The following CENPH variants were observed in gnomAD, a reference collection of about 807,000 sequenced individuals.
The protein encoded by CENPH is centromere protein H.
CENPH carries 40 observed loss-of-function variants against 42.9 expected under a neutral mutation model. That is an observed-to-expected ratio of 0.93 (90% CI 0.72 to 1.21). The LOEUF (loss-of-function observed/expected upper bound fraction) is 1.21, where lower values mean the gene tolerates loss of function less well. Ranked by LOEUF, CENPH falls within the 50% of genes most tolerant of loss-of-function variation. CENPH has a pLI of 0.00. For synonymous variants in CENPH, 88 were observed against 96.5 expected, an observed-to-expected ratio of 0.91 and a Z score of 0.52; for missense variants, 302 against 292.9, an observed-to-expected ratio of 1.03 and a Z score of -0.23.
intron 5 of CENPH, among the ~76,000 whole-genome samples, chr5:69,200,717 A>ATTTTTTTTTT (rs1554058445): frequency 9.8e-5 from 4 of 41,012 alleles, no homozygotes; most frequent in Admixed American, 3.1e-4. Context: ...GAATCAGCGT[A>ATTTTTTTTTT]TCTTTTTTTT....
Position 69,191,858 on chromosome 5 carries a change from T to C in CENPH, c.190+8T>C, listed in dbSNP as rs1747877167. 6.9e-7 allele frequency: 1 copy of C among 1,456,710 alleles called. No homozygotes were observed. Among genetic ancestry groups the C allele is most frequent in the Admixed American group, 1.7e-5 (1 of 58,060 alleles). 90.2% of individuals were successfully genotyped at this position (1,456,710 alleles called of 1,614,324 possible). On this transcript the variant is annotated splice_region_variant and intron_variant, in intron 2 of 8. Transcript: ENST00000283006. ...AATCAATGGTTGATGCAAGTAAGTA[T>C]TTTCATTTTCAAATTAGGGTTTTGT...
intron 1 of CENPH, among the ~76,000 whole-genome samples, chr5:69,190,904 T>C (rs1561320286): frequency 6.6e-6 from 1 of 151,704 alleles, no homozygotes; most frequent in African/African-American, 2.4e-5. Context: ...AAAAAAAAAA[T>C]TAATTACCAT....
chr5:69,196,104 A>G (rs1377103972), intron 4 of CENPH, among the ~76,000 whole-genome samples: 1 of 151,926 alleles, frequency 6.6e-6, no homozygotes, highest in Non-Finnish European at 1.5e-5. Flanking sequence ...ACGCTTGGCT[A>G]ATTTTTTTTA....
Position 69,197,115 on chromosome 5 carries a change from A to ATT in CENPH, c.371+15_371+16dup. On this transcript the variant is annotated splice_region_variant and intron_variant, in intron 5 of 8. Coordinates refer to ENST00000283006, the MANE Select transcript of CENPH (RefSeq NM_022909.4). ...AAAATTAGCAGACAGTCTAGGTATGATTTTTTTTTTCTCTGGATTCGGTAA... is the reference window on the plus strand; with the variant it reads ...AAAATTAGCAGACAGTCTAGGTATGATTTTTTTTTTTTCTCTGGATTCGGTAA... 29 of 1,474,098 alleles carry ATT rather than the reference A, an allele frequency of 2.0e-5. No individual in the cohort carries two copies. The highest frequency in any genetic ancestry group is 6.7e-5 in the South Asian group (5 of 74,244). The allele number at this position is 1,474,098 out of a possible 1,614,324, so 91.3% of individuals were successfully genotyped here. A position where few individuals can be genotyped will look rare whatever the true frequency, so the allele number is the denominator to read the frequency against.
chr5:69,191,202 A>G (rs1163161741), intron 1 of CENPH, among the ~76,000 whole-genome samples: 5 of 152,118 alleles, frequency 3.3e-5, no homozygotes, highest in Non-Finnish European at 5.9e-5. Flanking sequence ...TCCTCAGTTC[A>G]GTCTGGCCTA....
intron 5 of CENPH, among the ~76,000 whole-genome samples, chr5:69,200,746 T>TTTTTTTTTTTTTG (rs1748046424): frequency 1.0e-5 from 1 of 99,884 alleles, no homozygotes; most frequent in Non-Finnish European, 1.9e-5. Flanking sequence ...TTTTTTTTTT[T>TTTTTTTTTTTTTG]TTTTTTTGAG....
intron 5 of CENPH, among the ~76,000 whole-genome samples, chr5:69,197,819 AAAAAAT>A (rs1747988726): frequency 6.6e-6 from 1 of 150,912 alleles, no homozygotes; most frequent in African/African-American, 2.4e-5. Flanking sequence ...AAAATTTTTT[AAAAAAT>A]AAAAATTATT....
chr5:69,194,785 C>A, intron 3 of CENPH, 90 bp downstream of exon 3: 2 of 814,442 alleles, frequency 2.5e-6, no homozygotes, highest in Non-Finnish European at 3.9e-6. Context: ...GTCTCACTAT[C>A]ATGCAGGCTA....
intron 1 of CENPH, among the ~76,000 whole-genome samples, chr5:69,190,815 G>C (rs982231934): frequency 6.6e-6 from 1 of 152,010 alleles, no homozygotes; most frequent in Non-Finnish European, 1.5e-5. Context: ...GATTGAACCC[G>C]GGAGGCAGAG....
chr5:69,198,518 A>G (rs1748005389), intron 5 of CENPH, among the ~76,000 whole-genome samples: 1 of 152,110 alleles, frequency 6.6e-6, no homozygotes, highest in African/African-American at 2.4e-5. Context: ...TGACCTAGGC[A>G]CTTCTATCTT....
chr5:69,192,634 G>A (rs1747895223), intron 2 of CENPH, among the ~76,000 whole-genome samples: 1 of 152,084 alleles, frequency 6.6e-6, no homozygotes, highest in African/African-American at 2.4e-5. Context: ...AAAAAACGTA[G>A]CCAGATATGG....
chr5:69,200,329 A>C (rs1402792696), intron 5 of CENPH, among the ~76,000 whole-genome samples: 1 of 152,150 alleles, frequency 6.6e-6, no homozygotes, highest in Non-Finnish European at 1.5e-5. Flanking sequence ...CCAATGAGAA[A>C]CTGCCAACTA....
chr5:69,201,870 C>T (rs1366568679), intron 5 of CENPH, among the ~76,000 whole-genome samples: 1 of 152,104 alleles, frequency 6.6e-6, no homozygotes, highest in Non-Finnish European at 1.5e-5. Context: ...AAAACAAACC[C>T]GTAGGCTATA....
chr5:69,200,221 G>C (rs560966863), intron 5 of CENPH, among the ~76,000 whole-genome samples: 70 of 152,120 alleles, frequency 4.6e-4, no homozygotes, highest in African/African-American at 1.4e-3. Context: ...GATGCAACTG[G>C]AATGCCATTA....
At chr5:69,193,141 A>T in intron 2 of CENPH, among the ~76,000 whole-genome samples, 1 of 151,278 alleles carries the variant, frequency 6.6e-6, no homozygotes, top group Middle Eastern at 3.5e-3. Flanking sequence ...ACACACACAC[A>T]TATACGTATA....
chr5:69,204,919 C>CTTTTTTTTTTTTTTT (rs375795328), intron 7 of CENPH, among the ~76,000 whole-genome samples: 1 of 99,430 alleles, frequency 1.0e-5, no homozygotes, highest in Non-Finnish European at 2.0e-5. Context: ...TTTTCTTTTT[C>CTTTTTTTTTTTTTTT]TTTTTTTTTT....
chr5:69,190,520 A>G (rs1747850054), intron 1 of CENPH, among the ~76,000 whole-genome samples: 1 of 152,184 alleles, frequency 6.6e-6, no homozygotes, highest in African/African-American at 2.4e-5. Flanking sequence ...AAAATTTACT[A>G]TCAGGTCCTT....
intron 5 of CENPH, among the ~76,000 whole-genome samples, chr5:69,200,128 A>AAC (rs1403497609): frequency 1.3e-5 from 2 of 151,746 alleles, no homozygotes; most frequent in African/African-American, 4.9e-5. Context: ...AAAAAAAAAA[A>AAC]AAAAACAGAA....
At chr5:69,189,899 T>A in intron 1 of CENPH, 131 bp downstream of exon 1, 2 of 1,033,998 alleles carry the variant, frequency 1.9e-6, no homozygotes, top group Non-Finnish European at 2.7e-6. Flanking sequence ...CTCATTCACT[T>A]AAACTGTTGA....
Sources: allele counts gnomAD v4.1 joint callset (sites outside exome capture counted in the v4.1 genomes callset), GRCh38; gene constraint gnomAD v4.1.1; transcripts MANE v1.5; gene names NCBI Gene and HGNC (gene_info 2026-07-23, HGNC 2026-07-21).